The following MAP2K4 variants were observed in gnomAD, a reference collection of about 807,000 sequenced individuals.
MAP2K4 encodes the protein mitogen-activated protein kinase kinase 4.
A neutral mutation model predicts 48.5 loss-of-function variants in MAP2K4; 4 were observed. The ratio of observed to expected loss-of-function variants is 0.08; its 90% CI spans 0.04 to 0.19. MAP2K4 has a LOEUF of 0.19. Ranked by LOEUF, MAP2K4 falls within the 10% of genes least tolerant of loss-of-function variation. The probability of loss-of-function intolerance (pLI) is 1.00; values close to 1 mark genes in which losing one functional copy is unlikely to be tolerated. For missense variants in MAP2K4, 258 were observed against 493.3 expected (o/e 0.52, Z 4.52); for synonymous variants, 166 against 173.1 (o/e 0.96, Z 0.32).
At chr17:12,134,002 T>G (rs1413980842) in intron 9 of MAP2K4, among the ~76,000 whole-genome samples, 2 of 152,248 alleles carry the variant, frequency 1.3e-5, no homozygotes. Flanking sequence ...AAGCTCAAGC[T>G]TTGCTGAAAT....
chr17:12,037,303 C>T (rs891470251), intron 1 of MAP2K4, among the ~76,000 whole-genome samples: 1 of 151,968 alleles, frequency 6.6e-6, no homozygotes, highest in African/African-American at 2.4e-5. Context: ...TGTGAATCTT[C>T]CAAGAAATTT....
chr17:12,041,090 C>T (rs374379295), intron 1 of MAP2K4, among the ~76,000 whole-genome samples: 9 of 152,338 alleles, frequency 5.9e-5, no homozygotes, highest in Middle Eastern at 3.4e-3. Context: ...GTGCCATTCA[C>T]GCTCTTGATT....
At chr17:12,120,466 C>CAT (rs992542297) in intron 7 of MAP2K4, among the ~76,000 whole-genome samples, 2 of 150,620 alleles carry the variant, frequency 1.3e-5, no homozygotes, top group South Asian at 2.1e-4. Flanking sequence ...TCTCAAAAAA[C>CAT]ATATATATAA....
chr17:12,021,383 G>A (rs1229521621), intron 1 of MAP2K4: 2 of 153,584 alleles, frequency 1.3e-5, no homozygotes, highest in African/African-American at 2.4e-5. Flanking sequence ...GGCGGAGCGG[G>A]AGGGGCGTCG....
At chr17:12,108,164 A>T (rs1209788241) in intron 5 of MAP2K4, among the ~76,000 whole-genome samples, 1 of 152,170 alleles carries the variant, frequency 6.6e-6, no homozygotes, top group Non-Finnish European at 1.5e-5. Flanking sequence ...TAAAGCTAGG[A>T]AAAGCAATTT....
chr17:12,075,682 C>T lies in MAP2K4; in HGVS notation c.219-5674C>T, dbSNP rs150158508. The stretch of plus-strand genomic sequence containing the variant: ...AGAATGATCTAACCCTAACACCTTT[C>T]AAATTGGCATGAGGAAAAAGGTGCT... On this transcript the variant is annotated intron_variant, in intron 2 of 10. Coordinates refer to ENST00000353533, the MANE Select transcript of MAP2K4 (RefSeq NM_003010.4). Among the ~76,000 whole-genome samples, 81 of 152,280 alleles carry T rather than the reference C, an allele frequency of 5.3e-4. No individual in the cohort carries two copies. In the South Asian group the frequency reaches 9.1e-3, roughly 17 times the overall value.
intron 9 of MAP2K4, among the ~76,000 whole-genome samples, chr17:12,139,262 A>T (rs1384946375): frequency 6.6e-6 from 1 of 152,206 alleles, no homozygotes. Flanking sequence ...TCAAGGAGAA[A>T]ATGTCAACAG....
At chr17:12,101,820 A>G (rs1971947908) in intron 4 of MAP2K4, among the ~76,000 whole-genome samples, 1 of 152,092 alleles carries the variant, frequency 6.6e-6, no homozygotes. Context: ...TTCTCATGTG[A>G]CTAAATGCAC....
chr17:12,129,754 A>C (rs530766068), intron 9 of MAP2K4, among the ~76,000 whole-genome samples: 2 of 152,350 alleles, frequency 1.3e-5, no homozygotes, highest in South Asian at 4.1e-4. Context: ...TCACATCCAC[A>C]CGCAAAGTGT....
intron 2 of MAP2K4, among the ~76,000 whole-genome samples, chr17:12,062,496 G>T (rs1291641890): frequency 6.6e-6 from 1 of 151,998 alleles, no homozygotes; most frequent in Non-Finnish European, 1.5e-5. Context: ...CACCATCCCT[G>T]GCTCATTTTT....
At position 12,082,952 on chromosome 17, in the gene MAP2K4, C is replaced by G. The variant is rs138897751; in HGVS notation, c.393+1422C>G. On this transcript the variant is annotated intron_variant, in intron 3 of 10. Coordinates refer to ENST00000353533, the MANE Select transcript of MAP2K4 (RefSeq NM_003010.4). Reference sequence around the variant, plus strand: ...AGTGGAAAGAGTCATTTTATTTAGACTCCTGGATGAATGTTGTGTTGTCCC... The same window carrying G: ...AGTGGAAAGAGTCATTTTATTTAGAGTCCTGGATGAATGTTGTGTTGTCCC... 3.4e-3 allele frequency among the ~76,000 whole-genome samples: 523 copies of G among 152,286 alleles called. 4 individuals are homozygous for G. Among genetic ancestry groups the G allele is most frequent in the African/African-American group, 0.012 (505 of 41,556 alleles).
chr17:12,079,889 T>C lies in MAP2K4; in HGVS notation c.219-1467T>C, dbSNP rs28923174. ...AGTTCCAGCTTCATCTTCACCTAAA[T>C]GGTCACTTATGCCACTGATTTCCGG... On this transcript the variant is annotated intron_variant, in intron 2 of 10. Transcript: ENST00000353533. Among the ~76,000 whole-genome samples, 403 of 152,314 alleles carry C rather than the reference T, an allele frequency of 2.6e-3. 2 individuals are homozygous for C. The highest frequency in any genetic ancestry group is 4.9e-3 in the Non-Finnish European group (335 of 68,014).
At chr17:12,065,099 A>G (rs1008856720) in intron 2 of MAP2K4, among the ~76,000 whole-genome samples, 1 of 152,084 alleles carries the variant, frequency 6.6e-6, no homozygotes, top group Non-Finnish European at 1.5e-5. Context: ...GAGGTGATGG[A>G]ATGCTCTGTA....
intron 1 of MAP2K4, among the ~76,000 whole-genome samples, chr17:12,035,566 A>T (rs1969567642): frequency 6.6e-6 from 1 of 152,170 alleles, no homozygotes; most frequent in Non-Finnish European, 1.5e-5. Flanking sequence ...AATAAAAATA[A>T]AGGCTTGAAA....
At chr17:12,067,400 A>C (rs572552645) in intron 2 of MAP2K4, among the ~76,000 whole-genome samples, 1 of 152,062 alleles carries the variant, frequency 6.6e-6, no homozygotes, top group African/African-American at 2.4e-5. Flanking sequence ...AGATTGGAAA[A>C]TTCTTTGTTG....
Position 12,020,881 on chromosome 17 carries a change from C to A in MAP2K4, c.-6C>A. Reference sequence around the variant, plus strand: ...CGCGGCGCCGCTCGGCTCTTCACTCCCAACAATGGCGGCTCCGAGCCCGAG... The same window carrying A: ...CGCGGCGCCGCTCGGCTCTTCACTCACAACAATGGCGGCTCCGAGCCCGAG... On this transcript the variant is annotated 5_prime_UTR_variant, in exon 1 of 11. Transcript: ENST00000353533. The A allele has an allele frequency of 8.3e-7, 1 of 1,207,610 alleles. No homozygotes were observed. Among genetic ancestry groups the A allele is most frequent in the East Asian group, 3.3e-5 (1 of 30,460 alleles). The allele number at this position is 1,207,610 out of a possible 1,614,324, so 74.8% of individuals were successfully genotyped here. A position where few individuals can be genotyped will look rare whatever the true frequency, so the allele number is the denominator to read the frequency against.
intron 4 of MAP2K4, among the ~76,000 whole-genome samples, chr17:12,095,920 TGTGTG>T (rs1971730974): frequency 6.6e-6 from 1 of 151,070 alleles, no homozygotes; most frequent in African/African-American, 2.4e-5. Context: ...TGTGTGTGTG[TGTGTG>T]TGTATTTTAG....
chr17:12,101,021 A>G (rs959456815), intron 4 of MAP2K4, among the ~76,000 whole-genome samples: 1 of 152,046 alleles, frequency 6.6e-6, no homozygotes, highest in East Asian at 1.9e-4. Flanking sequence ...CTTTATATAT[A>G]TCTATTCTTC....
intron 1 of MAP2K4, among the ~76,000 whole-genome samples, chr17:12,027,152 G>A (rs926581901): frequency 1.3e-5 from 2 of 152,122 alleles, no homozygotes; most frequent in Non-Finnish European, 2.9e-5. Flanking sequence ...CTTCATGCTC[G>A]GTAAGGTTGG....
Sources: allele counts gnomAD v4.1 joint callset (sites outside exome capture counted in the v4.1 genomes callset), GRCh38; gene constraint gnomAD v4.1.1; transcripts MANE v1.5; gene names NCBI Gene and HGNC (gene_info 2026-07-23, HGNC 2026-07-21).